Variants in STON2 observed in about 807,000 individuals in gnomAD.
STON2 encodes the protein stonin-2.
In STON2, 29 loss-of-function variants were observed where a neutral mutation model predicts 65.7. The observed-to-expected ratio is 0.44, with a 90% CI of 0.33 to 0.60. STON2 has a LOEUF of 0.60. Ranked by LOEUF, STON2 falls within the 20% of genes least tolerant of loss-of-function variation. The probability of loss-of-function intolerance (pLI) is 0.03; values close to 1 mark genes in which losing one functional copy is unlikely to be tolerated. For synonymous variants in STON2, 404 were observed against 414.2 expected, an observed-to-expected ratio of 0.98 and a Z score of 0.30; for missense variants, 1,054 against 1,118.1, an observed-to-expected ratio of 0.94 and a Z score of 0.82.
chr14:81,366,295 C>A (rs1307217226), intron 4 of STON2, among the ~76,000 whole-genome samples: 2 of 152,156 alleles, frequency 1.3e-5, no homozygotes, highest in Admixed American at 1.3e-4. Context: ...CAAATCCCTG[C>A]AGAACTCTGC....
intron 2 of STON2, 27 bp downstream of exon 2, chr14:81,398,268 A>T (rs555526829): frequency 6.6e-7 from 1 of 1,524,760 alleles, no homozygotes; most frequent in African/African-American, 1.4e-5. Context: ...CAATCTCTTC[A>T]CTTTAGGAAA....
intron 1 of STON2, among the ~76,000 whole-genome samples, chr14:81,429,110 G>A (rs1367756244): frequency 1.3e-5 from 2 of 152,202 alleles, no homozygotes; most frequent in African/African-American, 2.4e-5. Context: ...AAATTAACAA[G>A]GACCCTTTGG....
intron 5 of STON2, among the ~76,000 whole-genome samples, chr14:81,323,069 A>G (rs1896877529): frequency 2.0e-5 from 3 of 152,210 alleles, no homozygotes. Flanking sequence ...TTAACTTTAC[A>G]TGTAGCCTTG....
Position 81,266,011 on chromosome 14 carries a change from T to C in STON2, c.*2403A>G, listed in dbSNP as rs764550617. The C allele has an allele frequency of 1.6e-4, 153 of 985,426 alleles. No individual in the cohort carries two copies. Among genetic ancestry groups the C allele is most frequent in the Non-Finnish European group, 1.8e-4 (149 of 829,912 alleles). 61.0% of individuals were successfully genotyped at this position (985,426 alleles called of 1,614,324 possible). A position where few individuals can be genotyped will look rare whatever the true frequency, so the allele number is the denominator to read the frequency against. ...CTTCAGTACAACAGGGGAAGAGATA[T>C]GCGTTGAAATTCCTTGACAAAAACC... On this transcript the variant is annotated 3_prime_UTR_variant, in exon 8 of 8. Transcript: ENST00000614646.
At chr14:81,400,936 A>G (rs994139046), upstream of STON2, among the ~76,000 whole-genome samples, 3 of 152,238 alleles carry the variant, frequency 2.0e-5, no homozygotes, top group Admixed American at 2.0e-4. Flanking sequence ...TAAGGACTGG[A>G]TGTAATAAAC....
intron 5 of STON2, among the ~76,000 whole-genome samples, chr14:81,301,673 T>C (rs1169374404): frequency 6.6e-6 from 1 of 152,236 alleles, no homozygotes; most frequent in Non-Finnish European, 1.5e-5. Context: ...CTGGTTGGGA[T>C]GCCAGCTCAG....
At chr14:81,314,057 A>G (rs1218992687) in intron 5 of STON2, among the ~76,000 whole-genome samples, 1 of 152,228 alleles carries the variant, frequency 6.6e-6, no homozygotes, top group Non-Finnish European at 1.5e-5. Flanking sequence ...GCAAATTGTA[A>G]GACTTCAGTG....
Position 81,334,470 on chromosome 14 carries a change from A to G in STON2, c.572-10283T>C, listed in dbSNP as rs1897304816. ...ACTTGACCAATCTTCTAGAACCTCTAAAACAGTAACAGCAACCCCCTTTTA... is the reference window on the plus strand; with the variant it reads ...ACTTGACCAATCTTCTAGAACCTCTGAAACAGTAACAGCAACCCCCTTTTA... On this transcript the variant is annotated intron_variant, in intron 4 of 7. Transcript: ENST00000614646. 4.6e-5 allele frequency among the ~76,000 whole-genome samples: 7 copies of G among 152,330 alleles called. 1 individual carries two copies. The South Asian group carries it at 1.5e-3, about 32-fold the overall frequency.
intron 1 of STON2, chr14:81,436,155 C>G (rs1902410787): frequency 6.6e-6 from 1 of 152,116 alleles, no homozygotes; most frequent in Admixed American, 6.6e-5. Context: ...GCCGCGCCTC[C>G]GCGTGGCTCG....
chr14:81,366,503 G>A (rs28680192), intron 4 of STON2, among the ~76,000 whole-genome samples: 76,453 of 151,650 alleles, frequency 0.5, 19,824 homozygotes, highest in East Asian at 0.74. Context: ...AGGGAGCTCC[G>A]GATGAGACTG....
At chr14:81,341,277 C>CTA (rs1897597485) in intron 4 of STON2, among the ~76,000 whole-genome samples, 1 of 152,138 alleles carries the variant, frequency 6.6e-6, no homozygotes, top group African/African-American at 2.4e-5. Context: ...CAACTCCCTT[C>CTA]TATTTGATAG....
intron 2 of STON2, among the ~76,000 whole-genome samples, chr14:81,419,298 G>A (rs917513640): frequency 6.6e-6 from 1 of 152,130 alleles, no homozygotes; most frequent in Non-Finnish European, 1.5e-5. Flanking sequence ...GCTTGGACTG[G>A]CCAACTTTCT....
chr14:81,300,796 C>G (rs554303055), intron 5 of STON2, among the ~76,000 whole-genome samples: 1 of 152,170 alleles, frequency 6.6e-6, no homozygotes, highest in African/African-American at 2.4e-5. Context: ...AAACATTCAC[C>G]TACTTTATGA....
At chr14:81,346,467 G>A (rs1205661193) in intron 4 of STON2, among the ~76,000 whole-genome samples, 1 of 152,138 alleles carries the variant, frequency 6.6e-6, no homozygotes, top group East Asian at 1.9e-4. Context: ...TTAGGACACA[G>A]GCACCACAAG....
chr14:81,345,229 A>T (rs1018870317), intron 4 of STON2, among the ~76,000 whole-genome samples: 48 of 152,238 alleles, frequency 3.2e-4, no homozygotes, highest in Non-Finnish European at 2.8e-4. Flanking sequence ...CACACAATAC[A>T]TGTTAAATTC....
intron 4 of STON2, among the ~76,000 whole-genome samples, chr14:81,344,077 G>C (rs1897720497): frequency 6.6e-6 from 1 of 152,086 alleles, no homozygotes; most frequent in Non-Finnish European, 1.5e-5. Context: ...ATATTTGAAA[G>C]ACTAGCCCTC....
In STON2 at chr14:81,395,992, G is replaced by A. The variant is rs370642429; in HGVS notation, c.275C>T (p.Pro92Leu). ...GCTGATGGCCGAGGCCAGGTCAGGT[G>A]GGGGCTGCTCAGGGCTCCCAGGTGG... Reference protein sequence around the residue: ...ASPPGSPEQPPPDLASAISNW... With the variant: ...ASPPGSPEQPLPDLASAISNW... Residue 92 changes from proline (P) to leucine (L), a missense_variant, in exon 3 of 8, where the codon CCA becomes CTA. Physicochemically the swap from Pro to Leu is moderately conservative, Grantham distance 98. Coordinates refer to ENST00000614646, the MANE Select transcript of STON2 (RefSeq NM_001394390.1). The A allele has an allele frequency of 5.0e-6, 8 of 1,614,140 alleles. No individual in the cohort carries two copies. In the South Asian group the frequency reaches 7.7e-5, roughly 16 times the overall value.
chr14:81,296,931 A>C (rs895153984), intron 5 of STON2, among the ~76,000 whole-genome samples: 13 of 151,964 alleles, frequency 8.6e-5, no homozygotes, highest in African/African-American at 2.9e-4. Context: ...AGAGGAAATA[A>C]GCACATACCA....
chr14:81,333,110 T>C (rs534010335), intron 4 of STON2: 8 of 1,100,384 alleles, frequency 7.3e-6, no homozygotes, highest in African/African-American at 3.1e-5. Flanking sequence ...TCATATTTCT[T>C]TGCATAATCC....
Sources: allele counts gnomAD v4.1 joint callset (sites outside exome capture counted in the v4.1 genomes callset), GRCh38; gene constraint gnomAD v4.1.1; transcripts MANE v1.5; gene names NCBI Gene and HGNC (gene_info 2026-07-23, HGNC 2026-07-21).